The following KCNAB1 variants were observed in gnomAD, a reference collection of about 807,000 sequenced individuals.
KCNAB1 encodes the protein potassium voltage-gated channel subfamily A regulatory beta subunit 1.
KCNAB1 carries 35 observed loss-of-function variants against 64.6 expected under a neutral mutation model. The ratio of observed to expected loss-of-function variants is 0.54; its 90% CI spans 0.41 to 0.72. The LOEUF is 0.72. Among genes scored for constraint, KCNAB1 ranks in the 30% least tolerant of loss-of-function variants. The pLI is 0.00. For synonymous variants in KCNAB1, 177 were observed against 183.8 expected, an observed-to-expected ratio of 0.96 and a Z score of 0.30; for missense variants, 401 against 512.9, an observed-to-expected ratio of 0.78 and a Z score of 2.11.
chr3:156,473,264 G>C, intron 7 of KCNAB1, among the ~76,000 whole-genome samples: 1 of 152,194 alleles, frequency 6.6e-6, no homozygotes, highest in African/African-American at 2.4e-5. Context: ...GCCCACTGCA[G>C]ACTAGAGAAT....
intron 1 of KCNAB1, chr3:156,143,089 C>A: frequency 6.8e-7 from 1 of 1,460,180 alleles, no homozygotes; most frequent in Admixed American, 2.6e-5. Flanking sequence ...CATACTGAAG[C>A]CAGATAACCC....
chr3:156,360,200 C>T (rs528854882), intron 1 of KCNAB1, among the ~76,000 whole-genome samples: 1 of 152,294 alleles, frequency 6.6e-6, no homozygotes, highest in Admixed American at 6.5e-5. Flanking sequence ...ATCAACTAGT[C>T]ACATCATTGC....
At chr3:156,324,693 C>T (rs543641634) in intron 1 of KCNAB1, among the ~76,000 whole-genome samples, 124 of 152,188 alleles carry the variant, frequency 8.1e-4, no homozygotes, top group Middle Eastern at 3.4e-3. Flanking sequence ...CAGACCCTCA[C>T]AGTCATATTC....
chr3:156,272,860 A>G (rs1654887662), intron 1 of KCNAB1, among the ~76,000 whole-genome samples: 1 of 152,094 alleles, frequency 6.6e-6, no homozygotes, highest in Non-Finnish European at 1.5e-5. Context: ...AACCAAGCCC[A>G]TGGTGTATAC....
chr3:156,281,834 C>T (rs376895201), intron 1 of KCNAB1, among the ~76,000 whole-genome samples: 48 of 149,262 alleles, frequency 3.2e-4, no homozygotes, highest in Admixed American at 4.7e-4. Flanking sequence ...TTTTTTATTG[C>T]GTCTATTTGA....
At position 156,516,632 on chromosome 3, in the gene KCNAB1, G is replaced by T. The variant is rs193162967; in HGVS notation, c.960+268G>T. On this transcript the variant is annotated intron_variant, in intron 11 of 13. Transcript: ENST00000490337. ...CCCAGTGACCTGATTGGACTTGCAGGGCTCAAATTCCTACATTGTTTTTTA... is the reference window on the plus strand; with the variant it reads ...CCCAGTGACCTGATTGGACTTGCAGTGCTCAAATTCCTACATTGTTTTTTA... Among the ~76,000 whole-genome samples the T allele has an allele frequency of 1.6e-3, 251 of 152,238 alleles. 2 individuals are homozygous for T. Among genetic ancestry groups the T allele is most frequent in the South Asian group, 6.2e-3 (30 of 4,814 alleles).
rs149879612 is a variant in KCNAB1 at position 156,523,336 on chromosome 3, G to A, written c.961-491G>A. Among the ~76,000 whole-genome samples, 5 of 152,336 alleles carry A rather than the reference G, an allele frequency of 3.3e-5. No homozygotes were observed. In the East Asian group the frequency reaches 9.6e-4, roughly 29 times the overall value. ...TTATAAAAAGAATAAGAGATTAGCA[G>A]TGAATTGAAAGCACGGGGGAGAAAA... On this transcript the variant is annotated intron_variant, in intron 11 of 13. Transcript: ENST00000490337.
At chr3:156,120,991 T>A in intron 1 of KCNAB1, 105 bp downstream of exon 1, 1 of 1,358,368 alleles carries the variant, frequency 7.4e-7, no homozygotes, top group Non-Finnish European at 1.0e-6. Flanking sequence ...TTAACGGCTC[T>A]AATTGCCTTA....
chr3:156,169,596 A>G (rs550120701), intron 1 of KCNAB1, among the ~76,000 whole-genome samples: 2 of 152,276 alleles, frequency 1.3e-5, no homozygotes, highest in Non-Finnish European at 2.9e-5. Flanking sequence ...TAGTCCCCAC[A>G]TGTTGAAGGT....
chr3:156,443,775 CACACACT>C (rs1559887265), intron 2 of KCNAB1, among the ~76,000 whole-genome samples: 1 of 143,874 alleles, frequency 7.0e-6, no homozygotes, highest in African/African-American at 2.8e-5. Flanking sequence ...CACACACACA[CACACACT>C]ATTCTTTACT....
chr3:156,490,273 A>C (rs541421623), intron 8 of KCNAB1, among the ~76,000 whole-genome samples: 2 of 152,188 alleles, frequency 1.3e-5, no homozygotes, highest in South Asian at 4.1e-4. Context: ...GTGGAAGAAA[A>C]CCCTATTGAA....
At chr3:156,190,699 GT>G (rs946144432) in intron 1 of KCNAB1, among the ~76,000 whole-genome samples, 12 of 150,780 alleles carry the variant, frequency 8.0e-5, no homozygotes, top group African/African-American at 2.2e-4. Flanking sequence ...TTTAAGATTT[GT>G]TTTTTTTTGG....
At chr3:156,514,076 A>G (rs1488568145) in intron 8 of KCNAB1, among the ~76,000 whole-genome samples, 2 of 152,232 alleles carry the variant, frequency 1.3e-5, no homozygotes, top group Non-Finnish European at 2.9e-5. Context: ...GGAATCATCA[A>G]GCAATAAAAG....
At position 156,457,613 on chromosome 3, in the gene KCNAB1, G is replaced by T. The variant is rs994011556; in HGVS notation, c.437+81G>T. 3.2e-6 allele frequency: 4 copies of T among 1,251,290 alleles called. No individual in the cohort carries two copies. The Middle Eastern group carries it at 5.8e-4, about 183-fold the overall frequency. The allele number at this position is 1,251,290 out of a possible 1,614,324, so 77.5% of individuals were successfully genotyped here. A position where few individuals can be genotyped will look rare whatever the true frequency, so the allele number is the denominator to read the frequency against. ...AGCCCAGACCATTTCCAGCATGTTG[G>T]TGAAAAGGTTCTGTCCTTTCTCCAC... On this transcript the variant is annotated intron_variant, in intron 4 of 13. Transcript: ENST00000490337.
At chr3:156,529,391 A>G (rs1257899293) in intron 12 of KCNAB1, among the ~76,000 whole-genome samples, 1 of 152,110 alleles carries the variant, frequency 6.6e-6, no homozygotes, top group Non-Finnish European at 1.5e-5. Context: ...TGAAGGTTGC[A>G]CCTTAAAAAT....
At chr3:156,505,843 T>A (rs2679593) in intron 8 of KCNAB1, among the ~76,000 whole-genome samples, 1 of 151,472 alleles carries the variant, frequency 6.6e-6, no homozygotes, top group Non-Finnish European at 1.5e-5. Context: ...CTAGAGGGAG[T>A]AAGAGAGAGA....
intron 1 of KCNAB1, among the ~76,000 whole-genome samples, chr3:156,208,132 C>T (rs1714777724): frequency 6.6e-6 from 1 of 152,106 alleles, no homozygotes; most frequent in Non-Finnish European, 1.5e-5. Context: ...GTGCTATATC[C>T]TTGTCTAATT....
At chr3:156,291,005 G>A (rs1008505208) in intron 1 of KCNAB1, 6 of 985,628 alleles carry the variant, frequency 6.1e-6, no homozygotes, top group African/African-American at 5.2e-5. Context: ...GGCGTGTTCC[G>A]CGGCATAAGC....
chr3:156,458,481 G>C (rs531051998), intron 4 of KCNAB1, among the ~76,000 whole-genome samples: 23 of 152,340 alleles, frequency 1.5e-4, no homozygotes, highest in African/African-American at 4.8e-4. Flanking sequence ...TTCCAGGTTA[G>C]AATTACAATC....
Sources: gnomAD v4.1 joint callset for allele counts (sites outside exome capture counted in the v4.1 genomes callset) on GRCh38, gnomAD v4.1.1 for gene constraint, MANE v1.5 for transcripts, NCBI Gene and HGNC (gene_info 2026-07-23, HGNC 2026-07-21) for gene names.